The following STK10 variants were observed in gnomAD, a reference collection of about 807,000 sequenced individuals.
STK10 encodes the protein serine/threonine kinase 10, also known as serine/threonine-protein kinase 10.
Under a neutral mutation model 113.8 loss-of-function variants are expected in STK10, and 78 were observed. The observed-to-expected ratio is 0.69, with a 90% CI of 0.57 to 0.83. STK10 has a LOEUF of 0.83. STK10 is among the 40% of genes least tolerant of loss of function. The pLI is 0.00. For missense variants in STK10, 1,109 were observed against 1,280.1 expected (o/e 0.87, Z 2.04); for synonymous variants, 465 against 494.7 (o/e 0.94, Z 0.80).
chr5:172,059,098 C>T (rs573581217), intron 14 of STK10, among the ~76,000 whole-genome samples: 2 of 150,916 alleles, frequency 1.3e-5, no homozygotes, highest in South Asian at 2.1e-4. Context: ...GGCATGGTGG[C>T]GGGCGCCTGT....
At chr5:172,073,348 C>T (rs1282600064) in intron 12 of STK10, among the ~76,000 whole-genome samples, 1 of 152,100 alleles carries the variant, frequency 6.6e-6, no homozygotes, top group East Asian at 1.9e-4. Context: ...GATGAGGTTT[C>T]ACCATGTTGA....
At chr5:172,186,011 C>G (rs1770949546) in intron 1 of STK10, among the ~76,000 whole-genome samples, 1 of 152,266 alleles carries the variant, frequency 6.6e-6, no homozygotes, top group South Asian at 2.1e-4. Context: ...CAGTGGCTCA[C>G]GCCTGTAATC....
At chr5:172,116,745 A>G (rs3103577) in intron 4 of STK10, among the ~76,000 whole-genome samples, 53,392 of 151,140 alleles carry the variant, frequency 0.35, 11,468 homozygotes, top group African/African-American at 0.61. Flanking sequence ...GTGGGTGCCT[A>G]TAGTCCCAGC....
At chr5:172,047,839 C>T (rs1367503394) in intron 18 of STK10, among the ~76,000 whole-genome samples, 1 of 151,880 alleles carries the variant, frequency 6.6e-6, no homozygotes, top group African/African-American at 2.4e-5. Flanking sequence ...TCTGACATAA[C>T]CTTGCAGTAT....
rs1249093660 is a variant in STK10, at chr5:172,187,106, T to C, written c.156+781A>G. On this transcript the variant is annotated intron_variant, in intron 1 of 18. Coordinates refer to ENST00000176763, the MANE Select transcript of STK10 (RefSeq NM_005990.4). This position sits in a 1 kb window ranked among gnomAD's most constrained non-coding sequence, Gnocchi z 4.6. The stretch of plus-strand genomic sequence containing the variant: ...AACAACTCACCACCTCAGAATTAGC[T>C]CCCAGGAGCAGAAACCAACGTCCTG... Among the ~76,000 whole-genome samples the C allele has an allele frequency of 6.6e-6, 1 of 151,932 alleles. No individual in the cohort carries two copies. Among genetic ancestry groups the C allele is most frequent in the Admixed American group, 6.6e-5 (1 of 15,240 alleles).
At chr5:172,175,789 C>T (rs1770748353) in intron 1 of STK10, among the ~76,000 whole-genome samples, 1 of 152,178 alleles carries the variant, frequency 6.6e-6, no homozygotes, top group Non-Finnish European at 1.5e-5. Context: ...GAGACACGCT[C>T]CTGGCCAGAA....
chr5:172,141,494 TG>T (rs1448599295), intron 2 of STK10, among the ~76,000 whole-genome samples: 1 of 150,534 alleles, frequency 6.6e-6, no homozygotes, highest in African/African-American at 2.5e-5. Flanking sequence ...CGTGGGAGGA[TG>T]GCTTGTGCCC....
At chr5:172,143,622 TGGGGCTGTCCTGA>T (rs1210949115) in intron 2 of STK10, among the ~76,000 whole-genome samples, 1 of 152,204 alleles carries the variant, frequency 6.6e-6, no homozygotes, top group Admixed American at 6.5e-5. Context: ...CATCCTTCTG[TGGGGCTGTCCTGA>T]CCTCTTTCCT....
chr5:172,076,473 G>A (rs372521221), intron 12 of STK10, among the ~76,000 whole-genome samples: 2 of 69,290 alleles, frequency 2.9e-5, no homozygotes, highest in Admixed American at 1.4e-4. Flanking sequence ...CGTCCTGTGC[G>A]TTAGTTGTGG....
At position 172,096,458 on chromosome 5, in the gene STK10, C is replaced by T. The variant is rs1444172673; in HGVS notation, c.973G>A (p.Gly325Arg). The change falls in exon 8 of 19, where the codon GGG (glycine) becomes AGG (arginine). Residue 325 changes from glycine to arginine, a missense_variant. Coordinates refer to ENST00000176763, the MANE Select transcript of STK10 (RefSeq NM_005990.4). ...MEEIEDGRDE[G>R]EEEDAVDAAS... ...GCATCCACGGCGTCCTCCTCTTCCC[C>T]CTCATCCCGGCCGTCTTCGATCTCT... 6.2e-7 allele frequency: 1 copy of T among 1,613,430 alleles called. No individual in the cohort carries two copies. Among genetic ancestry groups the T allele is most frequent in the Admixed American group, 1.7e-5 (1 of 60,032 alleles).
intron 2 of STK10, among the ~76,000 whole-genome samples, chr5:172,145,368 T>A (rs970488799): frequency 6.6e-6 from 1 of 152,098 alleles, no homozygotes; most frequent in Non-Finnish European, 1.5e-5. Flanking sequence ...AGGCGGCACA[T>A]TCAACTCAAA....
At chr5:172,094,839 T>C (rs1581153103) in intron 8 of STK10, among the ~76,000 whole-genome samples, 1 of 152,326 alleles carries the variant, frequency 6.6e-6, no homozygotes, top group African/African-American at 2.4e-5. Flanking sequence ...GGCCACTAAG[T>C]TTTCAGCTTC....
At chr5:172,182,243 C>T (rs146623748) in intron 1 of STK10, among the ~76,000 whole-genome samples, 8,313 of 129,460 alleles carry the variant, frequency 0.064, 772 homozygotes, top group African/African-American at 0.22. Context: ...GCGGAGGTTG[C>T]GGTGAGCTGA....
At chr5:172,110,576 G>A (rs1445027931) in intron 4 of STK10, among the ~76,000 whole-genome samples, 1 of 152,144 alleles carries the variant, frequency 6.6e-6, no homozygotes, top group African/African-American at 2.4e-5. Context: ...TTTCCAGGCA[G>A]AGAAAACTGC....
At chr5:172,109,434 C>T (rs1412189490) in intron 4 of STK10, among the ~76,000 whole-genome samples, 1 of 151,788 alleles carries the variant, frequency 6.6e-6, no homozygotes, top group African/African-American at 2.4e-5. Flanking sequence ...GCAATCCTCC[C>T]GAGTAGCTGA....
At chr5:172,075,965 C>G (rs185748244) in intron 12 of STK10, among the ~76,000 whole-genome samples, 7 of 150,998 alleles carry the variant, frequency 4.6e-5, no homozygotes, top group Non-Finnish European at 7.4e-5. Context: ...CCACCTGACC[C>G]CAAAATCCCA....
At chr5:172,064,337 T>A in intron 13 of STK10, 2 of 227,008 alleles carry the variant, frequency 8.8e-6, no homozygotes, top group South Asian at 7.7e-5. Flanking sequence ...CAGGACCAGG[T>A]CTGGGACATC....
intron 3 of STK10, among the ~76,000 whole-genome samples, chr5:172,121,346 TTTTG>T (rs1034042897): frequency 7.9e-5 from 12 of 151,714 alleles, no homozygotes; most frequent in Admixed American, 5.3e-4. Flanking sequence ...TTTTGTTTGT[TTTTG>T]TTTGTTTGTT....
At chr5:172,182,132 G>A (rs889920638) in intron 1 of STK10, among the ~76,000 whole-genome samples, 11 of 151,682 alleles carry the variant, frequency 7.3e-5, no homozygotes, top group South Asian at 2.1e-4. Flanking sequence ...GTAAAACCCC[G>A]TCTCTACTAA....
Sources: gnomAD v4.1 joint callset for allele counts (sites outside exome capture counted in the v4.1 genomes callset) on GRCh38, gnomAD v4.1.1 for gene constraint, Gnocchi (gnomAD v3.1) non-coding constraint, MANE v1.5 for transcripts, NCBI Gene and HGNC (gene_info 2026-07-23, HGNC 2026-07-21) for gene names.